Variants in ATRNL1 observed in about 807,000 individuals in gnomAD.
ATRNL1 encodes attractin like 1, also known as attractin-like protein 1.
Under a neutral mutation model 182.7 loss-of-function variants are expected in ATRNL1, and 95 were observed. That is an observed-to-expected ratio of 0.52 (90% CI 0.44 to 0.62). ATRNL1 has a LOEUF of 0.62. Among genes scored for constraint, ATRNL1 ranks in the 20% least tolerant of loss-of-function variants. The pLI is 0.00. For synonymous variants in ATRNL1, 576 were observed against 568.3 expected, an observed-to-expected ratio of 1.01 and a Z score of -0.19; for missense variants, 1,471 against 1,679.5, an observed-to-expected ratio of 0.88 and a Z score of 2.17.
At chr10:115,657,373 A>G (rs1248978758) in intron 26 of ATRNL1, among the ~76,000 whole-genome samples, 3 of 152,172 alleles carry the variant, frequency 2.0e-5, no homozygotes, top group African/African-American at 4.8e-5. Flanking sequence ...ATTGCAGTAC[A>G]GTGACATTTT....
At chr10:115,792,432 C>T (rs1949551054) in intron 27 of ATRNL1, among the ~76,000 whole-genome samples, 1 of 152,072 alleles carries the variant, frequency 6.6e-6, no homozygotes, top group Admixed American at 6.5e-5. Flanking sequence ...ATTGGGCAAT[C>T]ACTACACTAT....
intron 15 of ATRNL1, among the ~76,000 whole-genome samples, chr10:115,291,977 GCCATCTGGT>G (rs144268186): frequency 0.21 from 31,763 of 151,668 alleles, 4,186 homozygotes; most frequent in Non-Finnish European, 0.3. Context: ...CAGCAGTGAA[GCCATCTGGT>G]CCTGGACTTT....
At chr10:115,426,208 A>T (rs1475751872) in intron 20 of ATRNL1, 42 bp from the exon 21 acceptor site, 27 of 1,546,468 alleles carry the variant, frequency 1.7e-5, no homozygotes, top group Non-Finnish European at 2.4e-5. Flanking sequence ...AGGCTTTTGA[A>T]TTGCATTGTT....
intron 27 of ATRNL1, among the ~76,000 whole-genome samples, chr10:115,824,266 C>G (rs1173873702): frequency 6.6e-6 from 1 of 152,114 alleles, no homozygotes; most frequent in Non-Finnish European, 1.5e-5. Context: ...ACACCTTATA[C>G]AGAAATTAAC....
intron 26 of ATRNL1, among the ~76,000 whole-genome samples, chr10:115,601,424 C>T (rs782385269): frequency 1.1e-4 from 17 of 152,040 alleles, no homozygotes; most frequent in Admixed American, 2.0e-4. Flanking sequence ...TTCTATATTC[C>T]GGCTTATGTT....
chr10:115,604,775 G>A (rs901076645), intron 26 of ATRNL1, among the ~76,000 whole-genome samples: 5 of 152,114 alleles, frequency 3.3e-5, no homozygotes, highest in African/African-American at 9.6e-5. Flanking sequence ...TCTAATACCC[G>A]GAAGCAAGAC....
At chr10:115,203,360 A>G (rs566868935) in intron 8 of ATRNL1, among the ~76,000 whole-genome samples, 1 of 152,222 alleles carries the variant, frequency 6.6e-6, no homozygotes, top group African/African-American at 2.4e-5. Flanking sequence ...GACTTCTTAG[A>G]GAAAAAACAG....
intron 26 of ATRNL1, among the ~76,000 whole-genome samples, chr10:115,601,436 T>C (rs908907253): frequency 7.9e-5 from 12 of 152,220 alleles, no homozygotes; most frequent in African/African-American, 2.9e-4. Context: ...GCTTATGTTC[T>C]GTCTGCTTAT....
At chr10:115,893,663 A>G (rs1474686368) in intron 28 of ATRNL1, among the ~76,000 whole-genome samples, 1 of 152,192 alleles carries the variant, frequency 6.6e-6, no homozygotes, top group Non-Finnish European at 1.5e-5. Flanking sequence ...TTCAGAAAAC[A>G]GAGTTCCAGC....
chr10:115,165,397 T>C (rs1245047516), intron 6 of ATRNL1, among the ~76,000 whole-genome samples, 161 bp from the exon 7 acceptor site: 2 of 152,054 alleles, frequency 1.3e-5, no homozygotes, highest in East Asian at 1.9e-4. Flanking sequence ...TGAGTCTTTA[T>C]TAGAAATTTC....
chr10:115,344,289 T>C (rs1295454203), intron 19 of ATRNL1, among the ~76,000 whole-genome samples: 1 of 152,154 alleles, frequency 6.6e-6, no homozygotes, highest in African/African-American at 2.4e-5. Flanking sequence ...TTAAAAACCT[T>C]AGAAGTCTAC....
chr10:115,780,714 G>A (rs1401037348), intron 27 of ATRNL1, among the ~76,000 whole-genome samples: 1 of 152,126 alleles, frequency 6.6e-6, no homozygotes, highest in East Asian at 1.9e-4. Context: ...GGGCCAGAAG[G>A]GAATCTGCTG....
rs1734601120 is a variant in ATRNL1 at position 115,268,403 on chromosome 10, G to C, written c.2059G>C (p.Asp687His). 6.2e-7 allele frequency: 1 copy of C among 1,613,588 alleles called. No individual in the cohort carries two copies. Among genetic ancestry groups the C allele is most frequent in the Non-Finnish European group, 8.5e-7 (1 of 1,179,748 alleles). The change falls in exon 13 of 29, where the codon GAT (aspartate) becomes CAT (histidine). Residue 687 changes from aspartate (D) to histidine (H), a missense_variant. Coordinates refer to ENST00000355044, the MANE Select transcript of ATRNL1 (RefSeq NM_207303.4). The stretch of plus-strand genomic sequence containing the variant: ...CAATACAAATGGGTGCCAATGGTGT[G>C]ATGACAAGAAATGCATTTCGGCAAA... Reference protein sequence around the residue: ...TANTNGCQWCDDKKCISANSN... With the variant: ...TANTNGCQWCHDKKCISANSN...
intron 28 of ATRNL1, among the ~76,000 whole-genome samples, chr10:115,923,209 A>G (rs1200806958): frequency 6.6e-6 from 1 of 152,182 alleles, no homozygotes; most frequent in Non-Finnish European, 1.5e-5. Flanking sequence ...GTAACAAAAT[A>G]TATGTACATA....
chr10:115,305,823 G>T (rs1307129510), intron 17 of ATRNL1, among the ~76,000 whole-genome samples: 2 of 152,166 alleles, frequency 1.3e-5, no homozygotes. Flanking sequence ...GCTAGAGGAT[G>T]TTGCTGGGGG....
chr10:115,416,063 A>T (rs780747249), intron 20 of ATRNL1, among the ~76,000 whole-genome samples: 1 of 152,082 alleles, frequency 6.6e-6, no homozygotes, highest in Non-Finnish European at 1.5e-5. Context: ...ATTGAGATCA[A>T]CTTTTCTAGC....
intron 19 of ATRNL1, among the ~76,000 whole-genome samples, chr10:115,383,814 G>A (rs1312364519): frequency 1.3e-5 from 2 of 151,708 alleles, no homozygotes; most frequent in Non-Finnish European, 3.0e-5. Context: ...AAGACAGCAT[G>A]ATGTATGTTC....
chr10:115,658,262 A>AT (rs1190099663), intron 26 of ATRNL1, among the ~76,000 whole-genome samples: 1 of 151,142 alleles, frequency 6.6e-6, no homozygotes, highest in African/African-American at 2.4e-5. Flanking sequence ...TGCCTGGCTA[A>AT]TTTTTTGTAT....
intron 26 of ATRNL1, among the ~76,000 whole-genome samples, chr10:115,635,132 A>G (rs1555027597): frequency 6.6e-6 from 1 of 152,106 alleles, no homozygotes; most frequent in Non-Finnish European, 1.5e-5. Context: ...AAAGAATAAA[A>G]CTAATAACCT....
Sources: allele counts gnomAD v4.1 joint callset (sites outside exome capture counted in the v4.1 genomes callset), GRCh38; gene constraint gnomAD v4.1.1; transcripts MANE v1.5; gene names NCBI Gene and HGNC (gene_info 2026-07-23, HGNC 2026-07-21).